ARNT: variants seen among roughly 807,000 people sequenced by gnomAD.
ARNT encodes the protein aryl hydrocarbon receptor nuclear translocator.
In ARNT, 30 loss-of-function variants were observed where a neutral mutation model predicts 105.0. That is an observed-to-expected ratio of 0.29 (90% CI 0.21 to 0.39). The LOEUF is 0.39. Ranked by LOEUF, ARNT falls within the 10% of genes least tolerant of loss-of-function variation. ARNT has a pLI of 1.00. For missense variants in ARNT, 748 were observed against 978.7 expected, an observed-to-expected ratio of 0.76 and a Z score of 3.15; for synonymous variants, 304 against 344.0, an observed-to-expected ratio of 0.88 and a Z score of 1.29.
chr1:150,832,296 T>G (rs1325268580), intron 9 of ARNT, 38 bp downstream of exon 9: 1 of 1,604,768 alleles, frequency 6.2e-7, no homozygotes, highest in South Asian at 1.1e-5. Flanking sequence ...CTGCAGGTAT[T>G]TGGCCATCCC....
chr1:150,810,722 C>T lies in ARNT; in HGVS notation c.*1299G>A, dbSNP rs1654573031. On this transcript the variant is annotated 3_prime_UTR_variant, in exon 22 of 22. Transcript: ENST00000358595. ...GTAACCTGTATCCGCATTTATATGG[C>T]TATTGTTAATTACCAAGTGACCCTG... The T allele has an allele frequency of 4.6e-6, 1 of 218,524 alleles. No homozygotes were observed. The highest frequency in any genetic ancestry group is 2.3e-5 in the African/African-American group (1 of 44,386). The allele number at this position is 218,524 out of a possible 1,614,324, so 13.5% of individuals were successfully genotyped here.
chr1:150,817,039 G>T (rs767533141), intron 17 of ARNT, 43 bp downstream of exon 17: 1 of 1,613,124 alleles, frequency 6.2e-7, no homozygotes. Context: ...ATCAGTAAGT[G>T]ATCTAAATGA....
At chr1:150,828,177 GAA>G (rs988711951) in intron 12 of ARNT, among the ~76,000 whole-genome samples, 1 of 151,724 alleles carries the variant, frequency 6.6e-6, no homozygotes, top group African/African-American at 2.4e-5. Context: ...TTTCTTCTGT[GAA>G]TCATGCTTTT....
At chr1:150,822,559 G>A (rs1657324672) in intron 14 of ARNT, among the ~76,000 whole-genome samples, 1 of 152,222 alleles carries the variant, frequency 6.6e-6, no homozygotes, top group Admixed American at 6.5e-5. Context: ...AGCCCACCCA[G>A]AAAGGGTCTG....
At chr1:150,865,790 G>A (rs182218927) in intron 1 of ARNT, among the ~76,000 whole-genome samples, 7 of 152,060 alleles carry the variant, frequency 4.6e-5, no homozygotes, top group East Asian at 1.9e-4. Context: ...CCTATATTTC[G>A]TATCTCCACT....
chr1:150,838,861 A>G (rs1660780213), intron 6 of ARNT, among the ~76,000 whole-genome samples: 1 of 152,240 alleles, frequency 6.6e-6, no homozygotes, highest in African/African-American at 2.4e-5. Flanking sequence ...ATTAAAAAAT[A>G]CAATTCCTCT....
chr1:150,841,875 CA>C (rs1165105641), intron 5 of ARNT, among the ~76,000 whole-genome samples: 1 of 152,188 alleles, frequency 6.6e-6, no homozygotes, highest in African/African-American at 2.4e-5. Context: ...TAAATAGCCA[CA>C]TCAAGGAAAC....
chr1:150,851,134 G>A (rs1663374635), intron 3 of ARNT, among the ~76,000 whole-genome samples: 3 of 149,826 alleles, frequency 2.0e-5, no homozygotes, highest in Admixed American at 1.3e-4. Context: ...CCCGGCAGCC[G>A]CCCCGTCCGG....
intron 1 of ARNT, among the ~76,000 whole-genome samples, chr1:150,865,824 G>A (rs1666476241): frequency 6.6e-6 from 1 of 152,048 alleles, no homozygotes; most frequent in African/African-American, 2.4e-5. Context: ...ATCTCCTACT[G>A]GTAGAGCCTA....
At chr1:150,819,608 A>G (rs1286009601) in intron 14 of ARNT, among the ~76,000 whole-genome samples, 3 of 152,250 alleles carry the variant, frequency 2.0e-5, no homozygotes, top group Non-Finnish European at 4.4e-5. Context: ...GATACATGCT[A>G]CAACATGTAT....
intron 1 of ARNT, among the ~76,000 whole-genome samples, chr1:150,858,767 C>T (rs587614143): frequency 6.6e-6 from 1 of 151,672 alleles, no homozygotes; most frequent in South Asian, 2.1e-4. Flanking sequence ...GACTATAGGC[C>T]CGCACTACCA....
intron 21 of ARNT, 115 bp from the exon 22 acceptor site, chr1:150,812,225 T>C: frequency 1.5e-6 from 1 of 688,256 alleles, no homozygotes; most frequent in African/African-American, 1.8e-5. Context: ...TTTGCTGTGC[T>C]GAGCTCTTAG....
intron 4 of ARNT, among the ~76,000 whole-genome samples, chr1:150,842,779 A>C (rs982397751): frequency 2.6e-5 from 4 of 152,224 alleles, no homozygotes; most frequent in Non-Finnish European, 4.4e-5. Context: ...AACATGATCT[A>C]AACACAGAAA....
At chr1:150,861,230 G>A (rs1665571968) in intron 1 of ARNT, 1 of 339,708 alleles carries the variant, frequency 2.9e-6, no homozygotes, top group Non-Finnish European at 5.8e-6. Context: ...AATAAAACTG[G>A]GTGCAGTGGT....
chr1:150,813,004 A>T (rs1655050508), intron 21 of ARNT, among the ~76,000 whole-genome samples, 168 bp downstream of exon 21: 1 of 152,156 alleles, frequency 6.6e-6, no homozygotes, highest in Admixed American at 6.5e-5. Context: ...TAGCTTCTGC[A>T]ATCTTTTCAA....
intron 4 of ARNT, among the ~76,000 whole-genome samples, chr1:150,845,266 C>T (rs371067049): frequency 2.0e-5 from 3 of 152,072 alleles, no homozygotes; most frequent in African/African-American, 7.2e-5. Context: ...GCCTGGGAAA[C>T]ACAATGAAAA....
chr1:150,828,998 G>A (rs1658834953), intron 12 of ARNT, 95 bp downstream of exon 12: 2 of 1,411,154 alleles, frequency 1.4e-6, no homozygotes, highest in Non-Finnish European at 1.9e-6. Flanking sequence ...CTTAACTGAG[G>A]TTGATATGTT....
intron 1 of ARNT, among the ~76,000 whole-genome samples, chr1:150,868,684 G>A (rs1666982531): frequency 6.6e-6 from 1 of 151,240 alleles, no homozygotes; most frequent in African/African-American, 2.4e-5. Flanking sequence ...GGCAGATCAC[G>A]AGGTCAGGAG....
chr1:150,869,259 C>A (rs1482949350), intron 1 of ARNT, among the ~76,000 whole-genome samples: 2 of 152,160 alleles, frequency 1.3e-5, no homozygotes, highest in African/African-American at 4.8e-5. Context: ...GGGCGGATCA[C>A]AAGGTCAGGA....
Sources: allele counts gnomAD v4.1 joint callset (sites outside exome capture counted in the v4.1 genomes callset), GRCh38; gene constraint gnomAD v4.1.1; transcripts MANE v1.5; gene names NCBI Gene and HGNC (gene_info 2026-07-23, HGNC 2026-07-21).